The following SLC4A2 variants were observed in gnomAD, a reference collection of about 807,000 sequenced individuals.
SLC4A2 encodes the protein anion exchange protein 2.
Under a neutral mutation model 115.0 loss-of-function variants are expected in SLC4A2, and 36 were observed. The observed-to-expected ratio is 0.31, with a 90% CI of 0.24 to 0.41. The LOEUF is 0.41. Ranked by LOEUF, SLC4A2 falls within the 10% of genes least tolerant of loss-of-function variation. The pLI is 1.00. For missense variants in SLC4A2, 1,252 were observed against 1,705.6 expected (o/e 0.73, Z 4.68); for synonymous variants, 708 against 708.3 (o/e 1.00, Z 0.01).
Position 151,066,422 on chromosome 7 carries a change from G to T in SLC4A2, c.579-95G>T, listed in dbSNP as rs529355083. On this transcript the variant is annotated intron_variant, in intron 5 of 22. Coordinates refer to ENST00000413384, the MANE Select transcript of SLC4A2 (RefSeq NM_003040.4). ...TGGGAGCTAGGAGGGCCTGGAGTCC[G>T]ATGTGGGTCCCCTCCCTGGCTACCG... 1.1e-4 allele frequency: 152 copies of T among 1,391,328 alleles called. No homozygotes were observed. The South Asian group carries it at 1.8e-3, about 16-fold the overall frequency. The allele number at this position is 1,391,328 out of a possible 1,614,324, so 86.2% of individuals were successfully genotyped here.
chr7:151,063,071 C>T (rs987830464), intron 2 of SLC4A2: 282 of 1,515,054 alleles, frequency 1.9e-4, no homozygotes, highest in Non-Finnish European at 2.3e-4. Context: ...GGGTGGGGGG[C>T]TGGACCAAGG....
intron 2 of SLC4A2, among the ~76,000 whole-genome samples, chr7:151,063,632 CTG>C (rs1220944964): frequency 2.6e-5 from 4 of 151,396 alleles, no homozygotes; most frequent in Non-Finnish European, 4.4e-5. Flanking sequence ...CACTGGGTCA[CTG>C]TGTTTGAAGG....
chr7:151,066,457 G>A (rs549485069), intron 5 of SLC4A2, 60 bp from the exon 6 acceptor site: 13 of 1,450,870 alleles, frequency 9.0e-6, no homozygotes, highest in Admixed American at 2.7e-5. Flanking sequence ...GCCTGCGTGG[G>A]TGCTGGGCGT....
rs1797591027 is a variant in SLC4A2 at position 151,075,453 on chromosome 7, G to A, written c.3246G>A (p.Lys1082=). Residue 1082 remains lysine, a synonymous_variant, in exon 20 of 23, where the codon AAG becomes AAA. Transcript: ENST00000413384. ...CTGTGGCACCTGGGGACAAGCCCAA[G>A]ATTCAGGAAGTCAAGGAGCAGCGGG... ...SKAVAPGDKP[K]IQEVKEQRVT... 2 of 1,603,638 alleles carry A rather than the reference G, an allele frequency of 1.2e-6. No homozygotes were observed. Among genetic ancestry groups the A allele is most frequent in the African/African-American group, 2.7e-5 (2 of 75,070 alleles).
intron 3 of SLC4A2, 60 bp from the exon 4 acceptor site, chr7:151,064,466 G>A: frequency 1.3e-5 from 21 of 1,574,380 alleles, no homozygotes; most frequent in Non-Finnish European, 1.8e-5. Flanking sequence ...GGGCTAGGGG[G>A]CAGGATGGCA....
chr7:151,071,266 T>C lies in SLC4A2; in HGVS notation c.1944T>C (p.Ala648=). The change falls in exon 13 of 23, where the codon GCT becomes GCC. Residue 648 remains alanine, a synonymous_variant. Coordinates refer to ENST00000413384, the MANE Select transcript of SLC4A2 (RefSeq NM_003040.4). The surrounding 1 kb of genome is among the most constrained non-coding windows in gnomAD (Gnocchi z 5.5). The part of the protein sequence containing the change: ...EEQGRLLPTG[A]GLEPKSAQDK... ...AGGGCCGGCTGCTACCTACAGGGGC[T>C]GGGCTGGAGCCCAAATCTGCCCAAG... is the stretch of plus-strand genomic sequence containing the variant. 1.9e-6 allele frequency: 3 copies of C among 1,561,898 alleles called. No homozygotes were observed. The highest frequency in any genetic ancestry group is 1.9e-5 in the Admixed American group (1 of 52,140).
At position 151,070,579 on chromosome 7, in the gene SLC4A2, G is replaced by T; in HGVS notation, c.1564+8G>T. On this transcript the variant is annotated splice_region_variant and intron_variant, in intron 11 of 22. Transcript: ENST00000413384. ...CCACGGTGGTCCTTGTGGGTATGTGGGGCAGGTCACATGTAGGGGGCTTGG... is the reference window on the plus strand; with the variant it reads ...CCACGGTGGTCCTTGTGGGTATGTGTGGCAGGTCACATGTAGGGGGCTTGG... The T allele has an allele frequency of 1.9e-6, 3 of 1,611,028 alleles. No individual in the cohort carries two copies. The highest frequency in any genetic ancestry group is 2.2e-5 in the East Asian group (1 of 44,788).
At chr7:151,076,527 A>G (rs1396820691), downstream of SLC4A2, 3 of 699,434 alleles carry the variant, frequency 4.3e-6, no homozygotes, top group African/African-American at 3.6e-5. Context: ...GCCCCCACCT[A>G]TCTGTGGCCT....
Position 151,060,847 on chromosome 7 carries a change from T to A in SLC4A2, c.-63-1078T>A, listed in dbSNP as rs1266178219. 6.6e-6 allele frequency among the ~76,000 whole-genome samples: 1 copy of A among 152,114 alleles called. No homozygotes were observed. Among genetic ancestry groups the A allele is most frequent in the African/African-American group, 2.4e-5 (1 of 41,426 alleles). ...CTGGGTGACCCCCCCAGACCTATAT[T>A]GTTTGACGCTACACTGACTTGTCTT... On this transcript the variant is annotated intron_variant, in intron 1 of 22. Transcript: ENST00000413384. This position sits in a 1 kb window ranked among gnomAD's most constrained non-coding sequence, Gnocchi z 5.9.
In SLC4A2 at chr7:151,061,909, C is replaced by T. The variant is rs1797059861; in HGVS notation, c.-63-16C>T. 7 of 1,341,014 alleles carry T rather than the reference C, an allele frequency of 5.2e-6. No homozygotes were observed. The Admixed American group carries it at 5.6e-5, about 11-fold the overall frequency. The allele number at this position is 1,341,014 out of a possible 1,614,324, so 83.1% of individuals were successfully genotyped here. A position where few individuals can be genotyped will look rare whatever the true frequency, so the allele number is the denominator to read the frequency against. On this transcript the variant is annotated splice_polypyrimidine_tract_variant and intron_variant, in intron 1 of 22. Coordinates refer to ENST00000413384, the MANE Select transcript of SLC4A2 (RefSeq NM_003040.4). ...CCCAGGGCTCTCGATGGTGATCAGGCCTCTCCCCCATCCAGGTTATGCCTC... is the reference window on the plus strand; with the variant it reads ...CCCAGGGCTCTCGATGGTGATCAGGTCTCTCCCCCATCCAGGTTATGCCTC...
chr7:151,076,150 G>A lies in SLC4A2; in HGVS notation c.3609G>A (p.Val1203=). The A allele has an allele frequency of 6.2e-7, 1 of 1,610,428 alleles. No individual in the cohort carries two copies. The highest frequency in any genetic ancestry group is 8.5e-7 in the Non-Finnish European group (1 of 1,179,946). ...TCACAGTGCCGCTCCGCATGGTGGT[G>A]CTCACCCGTATCTTCACCGACCGAG... ...LILTVPLRMV[V]LTRIFTDREM... The change falls in exon 22 of 23, where the codon GTG becomes GTA. Residue 1203 remains valine (V), a synonymous_variant. Transcript: ENST00000413384.
In SLC4A2 at chr7:151,074,385, G is replaced by A. The variant is rs761959968; in HGVS notation, c.2791-14G>A. The A allele has an allele frequency of 6.2e-7, 1 of 1,613,294 alleles. No individual in the cohort carries two copies. Among genetic ancestry groups the A allele is most frequent in the East Asian group, 2.2e-5 (1 of 44,890 alleles). On this transcript the variant is annotated splice_polypyrimidine_tract_variant and intron_variant, in intron 17 of 22. Coordinates refer to ENST00000413384, the MANE Select transcript of SLC4A2 (RefSeq NM_003040.4). ...GTGGTGGCAGGACTCTGAGCGCTGT[G>A]CCTGCCCACTCAGATCCGGCGGGTG...
rs548633780 is a variant in SLC4A2 at position 151,071,051 on chromosome 7, A to G, written c.1750-21A>G. On this transcript the variant is annotated intron_variant, in intron 12 of 22. Transcript: ENST00000413384. This position sits in a 1 kb window ranked among gnomAD's most constrained non-coding sequence, Gnocchi z 5.5. ...AGCCCTCTTCTTTGTGCTCTCCCCC[A>G]TCCCCATGCTGCTTTGGCAGCAATT... The G allele has an allele frequency of 6.2e-7, 1 of 1,611,236 alleles. No individual in the cohort carries two copies.
chr7:151,060,333 G>A lies in SLC4A2; in HGVS notation c.-64+571G>A, dbSNP rs1174634792. On this transcript the variant is annotated intron_variant, in intron 1 of 22. Coordinates refer to ENST00000413384, the MANE Select transcript of SLC4A2 (RefSeq NM_003040.4). This position sits in a 1 kb window ranked among gnomAD's most constrained non-coding sequence, Gnocchi z 5.9. ...GGAAGTTCTGTGCTGGGTGTGAGAGGCGGCACTGCCTGAAACCCAGGGTCT... is the reference window on the plus strand; with the variant it reads ...GGAAGTTCTGTGCTGGGTGTGAGAGACGGCACTGCCTGAAACCCAGGGTCT... 2 of 152,324 alleles carry A rather than the reference G, an allele frequency of 1.3e-5. No individual in the cohort carries two copies. Among genetic ancestry groups the A allele is most frequent in the African/African-American group, 2.4e-5 (1 of 41,438 alleles). The allele number at this position is 152,324 out of a possible 1,614,324, so 9.4% of individuals were successfully genotyped here.
At chr7:151,061,762 CTCTTT>C (rs1488579526) in intron 1 of SLC4A2, 158 bp from the exon 2 acceptor site, 3 of 555,938 alleles carry the variant, frequency 5.4e-6, no homozygotes, top group Non-Finnish European at 9.7e-6. Flanking sequence ...CCTTGTTCTT[CTCTTT>C]TCTTCCTATA....
At chr7:151,075,898 CAA>C in intron 21 of SLC4A2, 113 bp from the exon 22 acceptor site, 1 of 1,418,800 alleles carries the variant, frequency 7.0e-7, no homozygotes, top group Non-Finnish European at 9.6e-7. Flanking sequence ...CTCTCTGTAC[CAA>C]CCCAGCTCTG....
Position 151,071,968 on chromosome 7 carries a change from C to T in SLC4A2, c.2367C>T (p.Tyr789=). 2.5e-6 allele frequency: 4 copies of T among 1,614,064 alleles called. No individual in the cohort carries two copies. Among genetic ancestry groups the T allele is most frequent in the South Asian group, 2.2e-5 (2 of 91,072 alleles). ...FSFCSSNHLE[Y]LVGRVWIGFW... is the part of the protein sequence containing the mutation. ...TCTGTAGCAGCAACCACCTGGAGTACCTGGTGGGCCGTGTGTGGATCGGCT... is the reference window on the plus strand; with the variant it reads ...TCTGTAGCAGCAACCACCTGGAGTATCTGGTGGGCCGTGTGTGGATCGGCT... The change falls in exon 16 of 23, where the codon TAC becomes TAT. Residue 789 remains tyrosine (Y), a synonymous_variant. Coordinates refer to ENST00000413384, the MANE Select transcript of SLC4A2 (RefSeq NM_003040.4). This position sits in a 1 kb window ranked among gnomAD's most constrained non-coding sequence, Gnocchi z 5.5.
chr7:151,059,140 T>G (rs1796967096), upstream of SLC4A2: 1 of 152,190 alleles, frequency 6.6e-6, no homozygotes, highest in Non-Finnish European at 1.5e-5. This position sits in a 1 kb window ranked among gnomAD's most constrained non-coding sequence, Gnocchi z 5.8. Flanking sequence ...TGTCCCTCTC[T>G]GGAAGTGGAG....
chr7:151,074,568 C>A (rs1797551735), intron 18 of SLC4A2, 80 bp downstream of exon 18: 1 of 1,591,310 alleles, frequency 6.3e-7, no homozygotes, highest in Non-Finnish European at 8.6e-7. Flanking sequence ...CCTCCAAACC[C>A]AGCCTGTCCT....
Sources: allele counts gnomAD v4.1 joint callset (sites outside exome capture counted in the v4.1 genomes callset), GRCh38; gene constraint gnomAD v4.1.1; non-coding constraint Gnocchi (gnomAD v3.1); transcripts MANE v1.5; gene names NCBI Gene and HGNC (gene_info 2026-07-23, HGNC 2026-07-21).